The following SH3RF3 variants were observed in gnomAD, a reference collection of about 807,000 sequenced individuals.
The protein encoded by SH3RF3 is E3 ubiquitin-protein ligase SH3RF3.
In SH3RF3, 29 loss-of-function variants were observed where a neutral mutation model predicts 66.3. The ratio of observed to expected loss-of-function variants is 0.44; its 90% CI spans 0.33 to 0.60. SH3RF3 has a LOEUF of 0.60. SH3RF3 is among the 20% of genes least tolerant of loss of function. The pLI is 0.04. For missense variants in SH3RF3, 1,194 were observed against 1,190.9 expected, an observed-to-expected ratio of 1.00 and a Z score of -0.04; for synonymous variants, 583 against 532.0, an observed-to-expected ratio of 1.10 and a Z score of -1.32.
intron 8 of SH3RF3, among the ~76,000 whole-genome samples, chr2:109,450,740 G>T (rs1214371647): frequency 6.6e-6 from 1 of 152,176 alleles, no homozygotes; most frequent in African/African-American, 2.4e-5. Context: ...CCCATGCACT[G>T]CCTGAGGCTG....
intron 8 of SH3RF3, among the ~76,000 whole-genome samples, chr2:109,453,733 T>C (rs891228654): frequency 6.6e-6 from 1 of 152,220 alleles, no homozygotes; most frequent in Non-Finnish European, 1.5e-5. Context: ...TACAGGTCAC[T>C]GTACAGGTAA....
chr2:109,426,992 C>T (rs747394390), intron 5 of SH3RF3, among the ~76,000 whole-genome samples: 6 of 150,860 alleles, frequency 4.0e-5, no homozygotes, highest in Non-Finnish European at 7.4e-5. Flanking sequence ...TTTTTTGAGA[C>T]GAGTCTCGCT....
Position 109,459,403 on chromosome 2 carries a change from A to T in SH3RF3, c.2148+9914A>T, listed in dbSNP as rs554852670. 1.6e-4 allele frequency among the ~76,000 whole-genome samples: 25 copies of T among 152,230 alleles called. No homozygotes were observed. The South Asian group carries it at 2.1e-3, about 13-fold the overall frequency. On this transcript the variant is annotated intron_variant, in intron 8 of 9. Transcript: ENST00000309415. ...CAGAAAGCGCCTCATCTGGGCATGG[A>T]CCCTTACCTGGTGGGGTGATCCAAA...
At chr2:109,403,862 G>T (rs1022398566) in intron 4 of SH3RF3, among the ~76,000 whole-genome samples, 1 of 152,238 alleles carries the variant, frequency 6.6e-6, no homozygotes, top group Admixed American at 6.5e-5. Flanking sequence ...CCTGTCTGTG[G>T]AATGGAGCCA....
chr2:109,284,480 C>T (rs558425499), intron 1 of SH3RF3, among the ~76,000 whole-genome samples: 2 of 152,222 alleles, frequency 1.3e-5, no homozygotes, highest in South Asian at 2.1e-4. Context: ...GGGACACACC[C>T]CTCCCATCAC....
At chr2:109,241,257 T>TAACAACAACAACAAC (rs57171165) in intron 1 of SH3RF3, among the ~76,000 whole-genome samples, 1 of 151,184 alleles carries the variant, frequency 6.6e-6, no homozygotes, top group African/African-American at 2.4e-5. Context: ...CCTAAGAATA[T>TAACAACAACAACAAC]AACAACAACA....
chr2:109,428,975 G>A (rs141747049), intron 5 of SH3RF3, among the ~76,000 whole-genome samples: 6 of 152,122 alleles, frequency 3.9e-5, no homozygotes, highest in African/African-American at 7.2e-5. Flanking sequence ...TGCAGGGGAC[G>A]CCATCCAGCT....
intron 1 of SH3RF3, among the ~76,000 whole-genome samples, chr2:109,152,881 T>C (rs372390780): frequency 6.6e-6 from 1 of 152,330 alleles, no homozygotes; most frequent in South Asian, 2.1e-4. Context: ...TCTTAGTACT[T>C]GCTCCTTGTT....
intron 2 of SH3RF3, among the ~76,000 whole-genome samples, chr2:109,364,826 C>A (rs541091613): frequency 1.2e-4 from 18 of 152,316 alleles, no homozygotes; most frequent in Middle Eastern, 3.4e-3. Flanking sequence ...TGTGGTGGCT[C>A]ACCCCTGTAC....
chr2:109,350,171 G>A (rs1211320382), intron 2 of SH3RF3, among the ~76,000 whole-genome samples: 1 of 152,218 alleles, frequency 6.6e-6, no homozygotes, highest in Non-Finnish European at 1.5e-5. Flanking sequence ...CTCATTCTGC[G>A]GTTGGCATGT....
chr2:109,203,102 C>A (rs1050500803), intron 1 of SH3RF3, among the ~76,000 whole-genome samples: 2 of 152,106 alleles, frequency 1.3e-5, no homozygotes, highest in Non-Finnish European at 2.9e-5. Flanking sequence ...CACTGGTGGC[C>A]CTGCACGGTG....
chr2:109,486,560 C>A (rs921516704), intron 8 of SH3RF3, among the ~76,000 whole-genome samples: 3 of 152,198 alleles, frequency 2.0e-5, no homozygotes, highest in African/African-American at 7.2e-5. Context: ...ATGCATTAGT[C>A]CTTTAAAAGC....
intron 1 of SH3RF3, among the ~76,000 whole-genome samples, chr2:109,241,446 G>A (rs910173967): frequency 3.3e-5 from 5 of 152,136 alleles, no homozygotes; most frequent in Non-Finnish European, 4.4e-5. Context: ...AAATACTTTA[G>A]GAATGTCCTT....
chr2:109,324,168 C>A (rs975219642), intron 1 of SH3RF3, among the ~76,000 whole-genome samples: 21 of 152,176 alleles, frequency 1.4e-4, no homozygotes, highest in African/African-American at 5.1e-4. Flanking sequence ...GAATAATAAT[C>A]CATTGTGTGG....
chr2:109,158,726 T>A (rs1250877738), intron 1 of SH3RF3, among the ~76,000 whole-genome samples: 1 of 152,224 alleles, frequency 6.6e-6, no homozygotes, highest in Non-Finnish European at 1.5e-5. Context: ...CATGGATGAA[T>A]GTTTTAACAC....
intron 1 of SH3RF3, among the ~76,000 whole-genome samples, chr2:109,273,373 A>C (rs1011896351): frequency 6.6e-6 from 1 of 152,210 alleles, no homozygotes; most frequent in Admixed American, 6.5e-5. Context: ...TTGAGCCTTA[A>C]CGCATGGATG....
At chr2:109,238,324 T>G (rs1679696604) in intron 1 of SH3RF3, among the ~76,000 whole-genome samples, 1 of 152,218 alleles carries the variant, frequency 6.6e-6, no homozygotes, top group South Asian at 2.1e-4. Context: ...TTTAAAAATC[T>G]TATAAATCTA....
At chr2:109,457,215 T>A (rs1357341883) in intron 8 of SH3RF3, among the ~76,000 whole-genome samples, 1 of 152,202 alleles carries the variant, frequency 6.6e-6, no homozygotes, top group Non-Finnish European at 1.5e-5. Flanking sequence ...GAAATTATTA[T>A]TAAGAATTTG....
chr2:109,267,223 T>G (rs913746384), intron 1 of SH3RF3, among the ~76,000 whole-genome samples: 2 of 152,124 alleles, frequency 1.3e-5, no homozygotes, highest in African/African-American at 4.8e-5. Context: ...TCCCTTCCTC[T>G]GAATAGGAAG....
Sources: allele counts gnomAD v4.1 joint callset (sites outside exome capture counted in the v4.1 genomes callset), GRCh38; gene constraint gnomAD v4.1.1; transcripts MANE v1.5; gene names NCBI Gene and HGNC (gene_info 2026-07-23, HGNC 2026-07-21).